LUZP2: variants seen among roughly 807,000 people sequenced by gnomAD.
The protein encoded by LUZP2 is leucine zipper protein 2.
LUZP2 carries 52 observed loss-of-function variants against 51.6 expected under a neutral mutation model. The observed-to-expected ratio is 1.01, with a 90% CI of 0.81 to 1.27. The LOEUF is 1.27. Ranked by LOEUF, LUZP2 falls within the 50% of genes most tolerant of loss-of-function variation. The probability of loss-of-function intolerance (pLI) is 0.00; values close to 1 mark genes in which losing one functional copy is unlikely to be tolerated. For missense variants in LUZP2, 436 were observed against 395.4 expected (o/e 1.10, Z -0.87); for synonymous variants, 154 against 137.3 (o/e 1.12, Z -0.85).
intron 5 of LUZP2, among the ~76,000 whole-genome samples, chr11:24,903,071 A>G (rs752178569): frequency 6.6e-6 from 1 of 152,160 alleles, no homozygotes; most frequent in Non-Finnish European, 1.5e-5. Flanking sequence ...CAGGACATAA[A>G]TACTCCTATC....
At chr11:24,894,130 C>T (rs12419316) in intron 5 of LUZP2, among the ~76,000 whole-genome samples, 2,364 of 151,064 alleles carry the variant, frequency 0.016, 62 homozygotes, top group Admixed American at 0.065. Flanking sequence ...ATAGAATATG[C>T]ATGAATAAAT....
At chr11:24,898,008 TA>T (rs1034452699) in intron 5 of LUZP2, among the ~76,000 whole-genome samples, 1 of 152,224 alleles carries the variant, frequency 6.6e-6, no homozygotes, top group Non-Finnish European at 1.5e-5. Context: ...TATGCATTTA[TA>T]TATAAATATG....
At chr11:25,075,577 C>T (rs1381886385) in intron 10 of LUZP2, among the ~76,000 whole-genome samples, 1 of 152,002 alleles carries the variant, frequency 6.6e-6, no homozygotes, top group Non-Finnish European at 1.5e-5. Flanking sequence ...CATGATTACA[C>T]ATATAAAAAC....
intron 1 of LUZP2, among the ~76,000 whole-genome samples, chr11:24,522,338 T>C (rs560394706): frequency 7.1e-6 from 1 of 140,580 alleles, no homozygotes; most frequent in Non-Finnish European, 1.5e-5. Flanking sequence ...GCTTTTTTTT[T>C]TCTTTTTGTT....
chr11:24,586,409 A>C (rs1330954050), intron 1 of LUZP2, among the ~76,000 whole-genome samples: 2 of 152,034 alleles, frequency 1.3e-5, no homozygotes, highest in African/African-American at 2.4e-5. Flanking sequence ...CTACTAAGAC[A>C]CCTGAAGAGT....
At chr11:24,839,196 C>T (rs77906345) in intron 5 of LUZP2, among the ~76,000 whole-genome samples, 1 of 151,448 alleles carries the variant, frequency 6.6e-6, no homozygotes, top group Non-Finnish European at 1.5e-5. Flanking sequence ...AAAAAGTTGA[C>T]CCCAATTAGT....
chr11:25,024,346 G>A (rs763747772), intron 9 of LUZP2, among the ~76,000 whole-genome samples: 37 of 151,452 alleles, frequency 2.4e-4, no homozygotes, highest in Non-Finnish European at 4.9e-4. Context: ...AGGAAATGAG[G>A]AAGTCAAATT....
At chr11:25,062,301 A>G (rs905742447) in intron 10 of LUZP2, among the ~76,000 whole-genome samples, 4 of 151,470 alleles carry the variant, frequency 2.6e-5, no homozygotes, top group Non-Finnish European at 5.9e-5. Flanking sequence ...ACTAACCTCC[A>G]GGGCCAAGCA....
intron 1 of LUZP2, among the ~76,000 whole-genome samples, chr11:24,531,447 T>C (rs1850996233): frequency 6.6e-6 from 1 of 150,926 alleles, no homozygotes; most frequent in Non-Finnish European, 1.5e-5. Flanking sequence ...CATTCAAAAT[T>C]CATTCTCCTA....
At chr11:24,581,197 C>CAAA (rs74259786) in intron 1 of LUZP2, among the ~76,000 whole-genome samples, 1,618 of 70,182 alleles carry the variant, frequency 0.023, 26 homozygotes, top group African/African-American at 0.073. Flanking sequence ...TTTCACTGGC[C>CAAA]AAAAAAAAAA....
At chr11:24,601,902 ATG>A (rs1853658349) in intron 1 of LUZP2, among the ~76,000 whole-genome samples, 1 of 77,300 alleles carries the variant, frequency 1.3e-5, no homozygotes. Flanking sequence ...ATATGTATAT[ATG>A]TATATATGTA....
chr11:24,791,169 C>T (rs1022481169), intron 5 of LUZP2, among the ~76,000 whole-genome samples: 1 of 152,156 alleles, frequency 6.6e-6, no homozygotes, highest in East Asian at 1.9e-4. Flanking sequence ...TCATACCCCA[C>T]GTTTGAAATT....
intron 1 of LUZP2, among the ~76,000 whole-genome samples, chr11:24,674,382 T>C (rs1052429605): frequency 1.2e-4 from 18 of 152,326 alleles, no homozygotes; most frequent in African/African-American, 4.1e-4. Flanking sequence ...GTAACTTGAT[T>C]TTCTCCTTCT....
chr11:24,914,610 G>A (rs1465333024), intron 7 of LUZP2, 72 bp downstream of exon 7: 5 of 1,023,420 alleles, frequency 4.9e-6, no homozygotes, highest in Non-Finnish European at 7.1e-6. Context: ...CATTATTTAG[G>A]TTAAATTTAT....
chr11:24,855,935 A>G (rs748580712), intron 5 of LUZP2, among the ~76,000 whole-genome samples: 83 of 152,082 alleles, frequency 5.5e-4, no homozygotes, highest in Non-Finnish European at 1.2e-3. Flanking sequence ...TATGTATCTT[A>G]CCATATATAA....
intron 9 of LUZP2, among the ~76,000 whole-genome samples, chr11:25,029,698 C>T (rs1332102562): frequency 6.8e-6 from 1 of 146,382 alleles, no homozygotes; most frequent in African/African-American, 2.6e-5. Flanking sequence ...GATTTAGCCA[C>T]TGCCCTCCAG....
chr11:24,832,270 T>C (rs944245530), intron 5 of LUZP2, among the ~76,000 whole-genome samples: 63 of 149,624 alleles, frequency 4.2e-4, no homozygotes, highest in African/African-American at 1.5e-3. Flanking sequence ...ATCACTTGAC[T>C]TGTTCTATAT....
At chr11:24,823,327 T>C (rs983423210) in intron 5 of LUZP2, among the ~76,000 whole-genome samples, 3 of 151,150 alleles carry the variant, frequency 2.0e-5, no homozygotes, top group African/African-American at 7.3e-5. Context: ...TGGTGTGTTT[T>C]AGGAATGTCT....
intron 5 of LUZP2, among the ~76,000 whole-genome samples, chr11:24,815,422 G>A (rs1564930571): frequency 6.6e-6 from 1 of 152,156 alleles, no homozygotes; most frequent in Non-Finnish European, 1.5e-5. Context: ...TAGGCATTTT[G>A]AAAAGTGGCT....
Sources: gnomAD v4.1 joint callset for allele counts (sites outside exome capture counted in the v4.1 genomes callset) on GRCh38, gnomAD v4.1.1 for gene constraint, MANE v1.5 for transcripts, NCBI Gene and HGNC (gene_info 2026-07-23, HGNC 2026-07-21) for gene names.